The following UBN2 variants were observed in gnomAD, a reference collection of about 807,000 sequenced individuals.
The protein encoded by UBN2 is ubinuclein-2.
A neutral mutation model predicts 120.2 loss-of-function variants in UBN2; 35 were observed. The ratio of observed to expected loss-of-function variants is 0.29; its 90% confidence interval spans 0.22 to 0.39. UBN2 has a LOEUF of 0.39. Ranked by LOEUF, UBN2 falls within the 10% of genes least tolerant of loss-of-function variation. The pLI is 1.00. For synonymous variants in UBN2, 661 were observed against 648.7 expected, an observed-to-expected ratio of 1.02 and a Z score of -0.29; for missense variants, 1,693 against 1,663.2, an observed-to-expected ratio of 1.02 and a Z score of -0.31.
At chr7:139,288,430 A>G (rs372550286) in intron 15 of UBN2, among the ~76,000 whole-genome samples, 1 of 152,188 alleles carries the variant, frequency 6.6e-6, no homozygotes, top group African/African-American at 2.4e-5. Flanking sequence ...GTATGAAGAC[A>G]CTGAGATGGA....
In UBN2 at chr7:139,231,607, G is replaced by A; in HGVS notation, c.123G>A (p.Gln41=). 2 of 1,354,736 alleles carry A rather than the reference G, an allele frequency of 1.5e-6. No individual in the cohort carries two copies. The highest frequency in any genetic ancestry group is 1.9e-6 in the Non-Finnish European group (2 of 1,045,560). 83.9% of individuals were successfully genotyped at this position (1,354,736 alleles called of 1,614,324 possible). ...YPREPPRLEP[Q]PYREPARAEP... ...GCGAGCCCCCCCGGCTGGAGCCGCA[G>A]CCGTACCGCGAGCCGGCCCGGGCGG... The change falls in exon 1 of 18, where the codon CAG becomes CAA. Residue 41 remains glutamine (Q), a synonymous_variant. Coordinates refer to ENST00000473989, the MANE Select transcript of UBN2 (RefSeq NM_173569.4).
chr7:139,308,265 C>A (rs1798400089), downstream of UBN2: 1 of 151,880 alleles, frequency 6.6e-6, no homozygotes, highest in Non-Finnish European at 1.5e-5. Flanking sequence ...TATTGAGTTA[C>A]CTTGGGTTCT....
chr7:139,281,193 T>C lies in UBN2; in HGVS notation c.2068-812T>C, dbSNP rs141715496. 4.8e-3 allele frequency among the ~76,000 whole-genome samples: 726 copies of C among 152,318 alleles called. 6 individuals are homozygous for C. Among genetic ancestry groups the C allele is most frequent in the African/African-American group, 0.017 (697 of 41,572 alleles). ...TGATACTGGTTGTGTTAGGATGATA[T>C]GGGGGAGTCATCAGTTTTTTTGTAT... On this transcript the variant is annotated intron_variant, in intron 13 of 17. Transcript: ENST00000473989.
intron 12 of UBN2, chr7:139,276,458 T>C (rs985755938): frequency 8.1e-6 from 3 of 368,872 alleles, no homozygotes; most frequent in East Asian, 6.2e-5. Flanking sequence ...TTAATGTCCA[T>C]CTGCATTTGT....
chr7:139,249,811 C>T (rs1467283368), intron 2 of UBN2, among the ~76,000 whole-genome samples: 1 of 151,982 alleles, frequency 6.6e-6, no homozygotes, highest in East Asian at 1.9e-4. Context: ...GTTCCTCCTG[C>T]CTCAGCCTCT....
intron 2 of UBN2, among the ~76,000 whole-genome samples, chr7:139,239,086 C>T (rs933185287): frequency 4.6e-5 from 7 of 152,138 alleles, no homozygotes; most frequent in African/African-American, 1.4e-4. Context: ...ATTGCCCACC[C>T]ATGGAATCCC....
At chr7:139,256,121 A>G (rs1387175540) in intron 3 of UBN2, among the ~76,000 whole-genome samples, 1 of 152,218 alleles carries the variant, frequency 6.6e-6, no homozygotes. Flanking sequence ...CTAAATATTC[A>G]CAAAGAGTGT....
At chr7:139,328,374 C>T in the UBN2 span, among the ~76,000 whole-genome samples, 1 of 152,280 alleles carries the variant, frequency 6.6e-6, no homozygotes, top group Non-Finnish European at 1.5e-5. Flanking sequence ...AGATCCACCC[C>T]CATGATCCAA....
At chr7:139,245,585 C>G (rs1013505966) in intron 2 of UBN2, among the ~76,000 whole-genome samples, 1 of 152,206 alleles carries the variant, frequency 6.6e-6, no homozygotes, top group Non-Finnish European at 1.5e-5. Flanking sequence ...GTTTGCACTT[C>G]TACATATATC....
chr7:139,294,058 T>A (rs1798040535), intron 17 of UBN2, 77 bp downstream of exon 17: 10 of 1,450,662 alleles, frequency 6.9e-6, no homozygotes, highest in South Asian at 2.4e-5. Flanking sequence ...CTGAAAACAA[T>A]GTGAATGGAA....
chr7:139,261,101 G>A (rs1279822045), intron 5 of UBN2, 151 bp from the exon 6 acceptor site: 4 of 875,664 alleles, frequency 4.6e-6, no homozygotes, highest in Non-Finnish European at 5.1e-6. Context: ...ACTGAAGAAG[G>A]TGCTATTGTA....
chr7:139,308,420 G>C (rs971401428), downstream of UBN2, among the ~76,000 whole-genome samples: 8 of 152,042 alleles, frequency 5.3e-5, no homozygotes, highest in African/African-American at 1.7e-4. Flanking sequence ...AAAAGATAAT[G>C]GTTCAAAATC....
intron 2 of UBN2, among the ~76,000 whole-genome samples, chr7:139,248,952 A>G (rs1796544643): frequency 1.3e-5 from 2 of 152,100 alleles, no homozygotes; most frequent in African/African-American, 2.4e-5. Flanking sequence ...TGTATTTTGC[A>G]TCTAAGCACA....
the UBN2 span, chr7:139,315,516 T>C: frequency 6.6e-6 from 1 of 152,342 alleles, no homozygotes; most frequent in East Asian, 1.9e-4. Context: ...TGTATGGATA[T>C]GTCACAGTTT....
intron 1 of UBN2, 64 bp downstream of exon 1, chr7:139,232,016 G>A (rs1487284577): frequency 1.3e-6 from 2 of 1,521,802 alleles, no homozygotes; most frequent in Non-Finnish European, 1.8e-6. Context: ...GCCTTCCCCA[G>A]CTGGTTTGCA....
Position 139,276,137 on chromosome 7 carries a change from A to T in UBN2, c.2014A>T (p.Thr672Ser), listed in dbSNP as rs1797435699. ...AAGCCGGAGTGTTCATAATCATCTT[A>T]CTTCTGCTCCGTGAGTAAATGCAGA... ...KESRSVHNHLTSAPAKKKVIP... is the reference protein window; with the variant it reads ...KESRSVHNHLSSAPAKKKVIP... Residue 672 changes from threonine (T) to serine (S), a missense_variant, in exon 12 of 18, where the codon ACT becomes TCT. Coordinates refer to ENST00000473989, the MANE Select transcript of UBN2 (RefSeq NM_173569.4). The T allele has an allele frequency of 6.2e-7, 1 of 1,613,580 alleles. No individual in the cohort carries two copies. The highest frequency in any genetic ancestry group is 8.5e-7 in the Non-Finnish European group (1 of 1,179,864).
chr7:139,271,040 C>T (rs1000467536), intron 8 of UBN2, among the ~76,000 whole-genome samples: 1 of 152,020 alleles, frequency 6.6e-6, no homozygotes, highest in Non-Finnish European at 1.5e-5. Context: ...CCTTGGCCTC[C>T]TAAAGTACTG....
At chr7:139,235,487 A>G (rs1563200476) in intron 1 of UBN2, among the ~76,000 whole-genome samples, 3 of 152,074 alleles carry the variant, frequency 2.0e-5, no homozygotes, top group African/African-American at 2.4e-5. Context: ...CTCACTTGCA[A>G]CTTCCACCTC....
downstream of UBN2, among the ~76,000 whole-genome samples, chr7:139,311,495 C>T (rs1223240603): frequency 2.0e-5 from 3 of 152,216 alleles, no homozygotes; most frequent in Non-Finnish European, 4.4e-5. Flanking sequence ...AGACGCTTTC[C>T]CTTTCAAGCC....
Sources: allele counts gnomAD v4.1 joint callset (sites outside exome capture counted in the v4.1 genomes callset), GRCh38; gene constraint gnomAD v4.1.1; transcripts MANE v1.5; gene names NCBI Gene and HGNC (gene_info 2026-07-23, HGNC 2026-07-21).